TRUB2: variants seen among roughly 807,000 people sequenced by gnomAD.
TRUB2 encodes the protein pseudouridylate synthase TRUB2, mitochondrial.
In TRUB2, 31 loss-of-function variants were observed where a neutral mutation model predicts 31.9. That is an observed-to-expected ratio of 0.97 (90% CI 0.73 to 1.31). The LOEUF (loss-of-function observed/expected upper bound fraction) is 1.31, where lower values mean the gene tolerates loss of function less well. Among genes scored for constraint, TRUB2 ranks in the 50% most tolerant of loss-of-function variants. TRUB2 has a pLI of 0.00. For synonymous variants in TRUB2, 201 were observed against 182.6 expected (o/e 1.10, Z -0.81); for missense variants, 451 against 439.6 (o/e 1.03, Z -0.23).
intron 2 of TRUB2, among the ~76,000 whole-genome samples, chr9:128,318,290 G>A (rs558211572): frequency 9.2e-5 from 14 of 152,266 alleles, no homozygotes; most frequent in South Asian, 6.2e-4. Context: ...GTTGCAGTGA[G>A]CTGAGATCAC....
intron 2 of TRUB2, among the ~76,000 whole-genome samples, chr9:128,321,215 T>C (rs1479023753): frequency 6.6e-6 from 1 of 152,202 alleles, no homozygotes; most frequent in African/African-American, 2.4e-5. Context: ...ATACTGCCAA[T>C]CTGAAGCTGG....
Position 128,313,888 on chromosome 9 carries a change from T to C in TRUB2, c.380A>G (p.Asp127Gly). ...TDMYNAHLTK[D>G]YTVRGLLGKA... ...GCCCAGGAGGCCACGCACTGTGTAA[T>C]CCTTCAAGGACAGGGAGGTAAAGAT... Residue 127 changes from aspartate (D) to glycine (G), a missense_variant and splice_region_variant, in exon 5 of 8, where the codon GAT (aspartate) becomes GGT (glycine). By Grantham distance (94) the Asp-to-Gly change is moderately conservative (BLOSUM62 -1). Coordinates refer to ENST00000372890, the MANE Select transcript of TRUB2 (RefSeq NM_015679.3). 4 of 1,614,048 alleles carry C rather than the reference T, an allele frequency of 2.5e-6. No homozygotes were observed. In the South Asian group the frequency reaches 4.4e-5, roughly 18 times the overall value.
At chr9:128,314,106 T>C (rs1003500150) in intron 4 of TRUB2, among the ~76,000 whole-genome samples, 1 of 152,144 alleles carries the variant, frequency 6.6e-6, no homozygotes, top group African/African-American at 2.4e-5. Flanking sequence ...AGCTCTCCTG[T>C]CACCTGGGGA....
chr9:128,311,405 T>C, intron 6 of TRUB2, 124 bp downstream of exon 6: 2 of 985,930 alleles, frequency 2.0e-6, no homozygotes. Context: ...AAGAAACAGG[T>C]AGCTCCCGTC....
At position 128,309,782 on chromosome 9, in the gene TRUB2, A is replaced by C. The variant is rs748934437; in HGVS notation, c.764T>G (p.Val255Gly). ...GAAGAAGCCGTCGCGCGTGCGCCGC[A>C]CTTGGGTGCAGACAGCAGTGGTCTT... ...ELKTTAVCTQ[V>G]RRTRDGFFTL... Residue 255 changes from valine to glycine, a missense_variant, in exon 8 of 8, where the codon GTG (valine) becomes GGG (glycine). Coordinates refer to ENST00000372890, the MANE Select transcript of TRUB2 (RefSeq NM_015679.3). 2 of 1,614,234 alleles carry C rather than the reference A, an allele frequency of 1.2e-6. No homozygotes were observed. The highest frequency in any genetic ancestry group is 1.7e-5 in the Admixed American group (1 of 60,026).
Position 128,309,764 on chromosome 9 carries a change from C to T in TRUB2, c.782G>A (p.Gly261Asp), listed in dbSNP as rs1463493987. The T allele has an allele frequency of 6.2e-7, 1 of 1,614,240 alleles. No individual in the cohort carries two copies. The change falls in exon 8 of 8, where the codon GGC (glycine) becomes GAC (aspartate). Residue 261 changes from glycine (G) to aspartate (D), a missense_variant. By Grantham distance (94) the Gly-to-Asp change is moderately conservative (BLOSUM62 -1). Transcript: ENST00000372890. ...GAGGGCACTGTCTAGCGTGAAGAAGCCGTCGCGCGTGCGCCGCACTTGGGT... is the reference window on the plus strand; with the variant it reads ...GAGGGCACTGTCTAGCGTGAAGAAGTCGTCGCGCGTGCGCCGCACTTGGGT... ...VCTQVRRTRD[G>D]FFTLDSALLR...
rs1156468083 is a variant in TRUB2, at chr9:128,312,619, T to A, written c.461-1018A>T. On this transcript the variant is annotated intron_variant, in intron 5 of 7. Transcript: ENST00000372890. ...CTAATTTTTTGTATTATTATTATTT[T>A]TTTTTTTTTTTTTTGAGACGGAGTC... 6.3e-3 allele frequency among the ~76,000 whole-genome samples: 923 copies of A among 146,426 alleles called. 7 individuals carry two copies. The highest frequency in any genetic ancestry group is 0.02 in the African/African-American group (797 of 40,182).
At position 128,313,848 on chromosome 9, in the gene TRUB2, G is replaced by A. The variant is rs1282971311; in HGVS notation, c.420C>T (p.Asp140=). The A allele has an allele frequency of 1.2e-6, 2 of 1,614,238 alleles. No homozygotes were observed. Among genetic ancestry groups the A allele is most frequent in the South Asian group, 1.1e-5 (1 of 91,080 alleles). ...CTACCAGCCTCCCGTCCTCACGGAA[G>A]TCATCTGTAGCTTTGCCCAGGAGGC... ...VRGLLGKATD[D]FREDGRLVEK... The change falls in exon 5 of 8, where the codon GAC becomes GAT. Residue 140 remains aspartate (D), a synonymous_variant. Transcript: ENST00000372890.
intron 2 of TRUB2, 72 bp downstream of exon 2, chr9:128,321,527 C>G: frequency 6.2e-7 from 1 of 1,604,816 alleles, no homozygotes; most frequent in Non-Finnish European, 8.5e-7. Flanking sequence ...GGAATCTGAG[C>G]ACTGGGACAC....
chr9:128,308,231 G>GA lies in TRUB2; in HGVS notation c.*1318dup, dbSNP rs547246841. ...GATGACGGAGTGAGACTCCGTCTCA[G>GA]AAAAAAAAAAAACCAAAACAGGCCG... On this transcript the variant is annotated 3_prime_UTR_variant, in exon 8 of 8. Transcript: ENST00000372890. 0.013 allele frequency: 1,642 copies of GA among 126,334 alleles called. 16 individuals are homozygous for GA. The highest frequency in any genetic ancestry group is 0.024 in the Middle Eastern group (4 of 164). The allele number at this position is 126,334 out of a possible 1,614,324, so 7.8% of individuals were successfully genotyped here. A position where few individuals can be genotyped will look rare whatever the true frequency, so the allele number is the denominator to read the frequency against.
intron 4 of TRUB2, 127 bp downstream of exon 4, chr9:128,315,440 G>T: frequency 1.2e-6 from 1 of 856,656 alleles, no homozygotes. Flanking sequence ...CACAGCACAC[G>T]ATCATCAAAA....
At chr9:128,319,385 G>C (rs1832124386) in intron 2 of TRUB2, among the ~76,000 whole-genome samples, 1 of 151,754 alleles carries the variant, frequency 6.6e-6, no homozygotes, top group Non-Finnish European at 1.5e-5. Context: ...CAGCTACTCG[G>C]GAGGCTTAGG....
chr9:128,322,398 G>A lies in TRUB2; in HGVS notation c.11C>T (p.Ala4Val). The A allele has an allele frequency of 6.2e-7, 1 of 1,614,140 alleles. No individual in the cohort carries two copies. Among genetic ancestry groups the A allele is most frequent in the Non-Finnish European group, 8.5e-7 (1 of 1,180,020 alleles). ...AAGCCCATGCAGCCGCGACAAGCCA[G>A]CAGACCCCATACTTGAAGATCACAG... is the stretch of plus-strand genomic sequence containing the variant. Reference protein sequence around the residue: MGSAGLSRLHGLFA... With the variant: MGSVGLSRLHGLFA... The change falls in exon 1 of 8, where the codon GCT (alanine) becomes GTT (valine). Residue 4 changes from alanine (A) to valine (V), a missense_variant. Ala to Val is a moderately conservative substitution (Grantham distance 64, BLOSUM62 0). Transcript: ENST00000372890.
intron 5 of TRUB2, among the ~76,000 whole-genome samples, chr9:128,312,299 G>A (rs1275673061): frequency 2.6e-5 from 4 of 151,532 alleles, no homozygotes; most frequent in Non-Finnish European, 4.4e-5. Context: ...CAAGACACCC[G>A]GCTAGTTTTT....
chr9:128,313,701 A>G (rs1221442048), intron 5 of TRUB2, 107 bp downstream of exon 5: 4 of 965,638 alleles, frequency 4.1e-6, no homozygotes, highest in African/African-American at 3.2e-5. Context: ...GCCCAAGCCT[A>G]GTGTGTGCAG....
At chr9:128,313,261 TCATGCCTGTAATCC>T (rs140799491) in intron 5 of TRUB2, among the ~76,000 whole-genome samples, 6,479 of 144,698 alleles carry the variant, frequency 0.045, 248 homozygotes, top group East Asian at 0.19. Flanking sequence ...GCGCGGTGGC[TCATGCCTGTAATCC>T]CAGCACTTTG....
intron 7 of TRUB2, among the ~76,000 whole-genome samples, chr9:128,310,338 C>A (rs1478204042): frequency 6.6e-6 from 1 of 151,898 alleles, no homozygotes; most frequent in East Asian, 1.9e-4. Flanking sequence ...GTTTCCCTAT[C>A]TGTAAAATGG....
chr9:128,306,889 C>T lies in TRUB2; in HGVS notation c.*2661G>A, dbSNP rs1442431381. 2 of 152,006 alleles carry T rather than the reference C, an allele frequency of 1.3e-5. No individual in the cohort carries two copies. Among genetic ancestry groups the T allele is most frequent in the African/African-American group, 2.4e-5 (1 of 41,380 alleles). 9.4% of individuals were successfully genotyped at this position (152,006 alleles called of 1,614,324 possible). On this transcript the variant is annotated 3_prime_UTR_variant, in exon 8 of 8. Coordinates refer to ENST00000372890, the MANE Select transcript of TRUB2 (RefSeq NM_015679.3). ...TAGCTAGGATTACAGAAGTGCGTCA[C>T]CATAGCTGGCTAATTTTTGTATTTT...
intron 2 of TRUB2, among the ~76,000 whole-genome samples, chr9:128,317,467 G>A (rs1832089484): frequency 6.6e-6 from 1 of 152,158 alleles, no homozygotes; most frequent in African/African-American, 2.4e-5. Flanking sequence ...CCAGTGAGAG[G>A]CTCTAAGAAG....
Sources: gnomAD v4.1 joint callset for allele counts (sites outside exome capture counted in the v4.1 genomes callset) on GRCh38, gnomAD v4.1.1 for gene constraint, MANE v1.5 for transcripts, NCBI Gene and HGNC (gene_info 2026-07-23, HGNC 2026-07-21) for gene names.